The following GALNT15 variants were observed in gnomAD, a reference collection of about 807,000 sequenced individuals.
GALNT15 encodes UDP-GalNAc transferase T15.
In GALNT15, 67 loss-of-function variants were observed where a neutral mutation model predicts 66.8. That is an observed-to-expected ratio of 1.00 (90% confidence interval 0.82 to 1.23). The LOEUF is 1.23. Ranked by LOEUF, GALNT15 falls within the 50% of genes most tolerant of loss-of-function variation. The pLI is 0.00. For synonymous variants in GALNT15, 313 were observed against 311.5 expected (o/e 1.00, Z -0.05); for missense variants, 827 against 804.3 (o/e 1.03, Z -0.34).
rs893398413 is a variant in GALNT15, at chr3:16,226,237, G to T, written c.1774-1117G>T. Among the ~76,000 whole-genome samples, 6 of 152,086 alleles carry T rather than the reference G, an allele frequency of 3.9e-5. No homozygotes were observed. In the South Asian group the frequency reaches 6.2e-4, roughly 16 times the overall value. On this transcript the variant is annotated intron_variant, in intron 9 of 9. Coordinates refer to ENST00000339732, the MANE Select transcript of GALNT15 (RefSeq NM_054110.5). ...TGATGGACAGTGGGTTTCTTTTTAC[G>T]TAATGAAAATATTCTGGAAGTAGGT... is the stretch of plus-strand genomic sequence containing the variant.
At chr3:16,238,098 A>C in the GALNT15 span, among the ~76,000 whole-genome samples, 1 of 152,234 alleles carries the variant, frequency 6.6e-6, no homozygotes, top group Non-Finnish European at 1.5e-5. This position sits in a 1 kb window ranked among gnomAD's most constrained non-coding sequence, Gnocchi z 4.8. Context: ...TTCTTTTAGC[A>C]AAGAGCCATG....
chr3:16,219,996 T>C lies in GALNT15; in HGVS notation c.1611T>C (p.Ser537=), dbSNP rs773471187. Residue 537 remains serine (S), a synonymous_variant, in exon 8 of 10, where the codon AGT becomes AGC. Coordinates refer to ENST00000339732, the MANE Select transcript of GALNT15 (RefSeq NM_054110.5). The surrounding 1 kb of genome is among the most constrained non-coding windows in gnomAD (Gnocchi z 4.3). ...LGCPMVLAPC[S]DSRQQQYLQH... is the part of the protein sequence containing the mutation. ...GTCCCATGGTGTTGGCTCCTTGCAG[T>C]GACAGCCGGCAGCAACAGGTGGGTA... 27 of 1,613,912 alleles carry C rather than the reference T, an allele frequency of 1.7e-5. No individual in the cohort carries two copies. The highest frequency in any genetic ancestry group is 2.3e-5 in the Non-Finnish European group (27 of 1,179,902).
rs2063538767 is a variant in GALNT15, at chr3:16,188,320, TCACAGA to T, written c.540-7437_540-7432del. Among the ~76,000 whole-genome samples, 1 of 152,240 alleles carries T rather than the reference TCACAGA, an allele frequency of 6.6e-6. No homozygotes were observed. Among genetic ancestry groups the T allele is most frequent in the Non-Finnish European group, 1.5e-5 (1 of 68,054 alleles). The stretch of plus-strand genomic sequence containing the variant: ...AATGGCAGCCATAGGTCGTGTCCCA[TCACAGA>T]CATGTTTGTTTGGCCATGCAGTTTT... On this transcript the variant is annotated intron_variant, in intron 1 of 9. Coordinates refer to ENST00000339732, the MANE Select transcript of GALNT15 (RefSeq NM_054110.5). The surrounding 1 kb of genome is among the most constrained non-coding windows in gnomAD (Gnocchi z 4.6).
chr3:16,223,996 A>G (rs191064307), intron 9 of GALNT15, among the ~76,000 whole-genome samples: 1 of 152,324 alleles, frequency 6.6e-6, no homozygotes, highest in Non-Finnish European at 1.5e-5. Context: ...TCTGGCCTCA[A>G]AGAAGTCTTA....
intron 9 of GALNT15, among the ~76,000 whole-genome samples, chr3:16,226,921 A>G (rs555838882): frequency 2.0e-5 from 3 of 152,228 alleles, no homozygotes; most frequent in Non-Finnish European, 4.4e-5. Flanking sequence ...AGTATATCCT[A>G]GAGGTCTTGC....
chr3:16,231,899 C>A, downstream of GALNT15: 1 of 1,535,848 alleles, frequency 6.5e-7, no homozygotes, highest in Non-Finnish European at 8.7e-7. The surrounding 1 kb of genome is among the most constrained non-coding windows in gnomAD (Gnocchi z 4.1). Context: ...ATTCAGAGAT[C>A]CTCAAGAAGG....
intron 8 of GALNT15, 33 bp from the exon 9 acceptor site, chr3:16,222,582 T>C: frequency 6.2e-7 from 1 of 1,613,744 alleles, no homozygotes; most frequent in Non-Finnish European, 8.5e-7. Flanking sequence ...GATCTCTTTC[T>C]AGCTGCGCTA....
At chr3:16,207,254 C>T (rs977443770) in intron 3 of GALNT15, among the ~76,000 whole-genome samples, 1 of 152,036 alleles carries the variant, frequency 6.6e-6, no homozygotes, top group African/African-American at 2.4e-5. Flanking sequence ...GCTAGTATCT[C>T]CCCTCCCAGG....
Position 16,219,574 on chromosome 3 carries a change from G to A in GALNT15, c.1524+40G>A. ...AGGGAAGATGGGGAGGGACAGGGAA[G>A]CTTCCCAAGACAAGAACTAGATGTT... On this transcript the variant is annotated intron_variant, in intron 7 of 9. Transcript: ENST00000339732. This position sits in a 1 kb window ranked among gnomAD's most constrained non-coding sequence, Gnocchi z 4.3. 1 of 1,607,696 alleles carries A rather than the reference G, an allele frequency of 6.2e-7. No homozygotes were observed. The highest frequency in any genetic ancestry group is 1.3e-5 in the African/African-American group (1 of 74,732).
chr3:16,241,579 C>T, the GALNT15 span, among the ~76,000 whole-genome samples: 1 of 152,020 alleles, frequency 6.6e-6, no homozygotes, highest in African/African-American at 2.4e-5. The surrounding 1 kb of genome is among the most constrained non-coding windows in gnomAD (Gnocchi z 4.6). Context: ...GATGGAGTCT[C>T]ATTCTGTTGC....
chr3:16,198,470 G>C (rs1298179432), intron 2 of GALNT15, among the ~76,000 whole-genome samples: 1 of 141,872 alleles, frequency 7.0e-6, no homozygotes, highest in Non-Finnish European at 1.6e-5. Flanking sequence ...TAGCTGTCCC[G>C]AGAAACATCA....
Position 16,225,420 on chromosome 3 carries a change from G to A in GALNT15, c.1774-1934G>A, listed in dbSNP as rs2063996115. 6.6e-6 allele frequency among the ~76,000 whole-genome samples: 1 copy of A among 152,270 alleles called. No homozygotes were observed. The highest frequency in any genetic ancestry group is 1.5e-5 in the Non-Finnish European group (1 of 68,048). On this transcript the variant is annotated intron_variant, in intron 9 of 9. Coordinates refer to ENST00000339732, the MANE Select transcript of GALNT15 (RefSeq NM_054110.5). The surrounding 1 kb of genome is among the most constrained non-coding windows in gnomAD (Gnocchi z 4.4). Reference sequence around the variant, plus strand: ...CACAATTTTTTTAAAAAAGAGGCCAGGCTCAATGGCTCACGCCTGTAATCC... The same window carrying A: ...CACAATTTTTTTAAAAAAGAGGCCAAGCTCAATGGCTCACGCCTGTAATCC...
At chr3:16,208,339 A>G (rs999739047) in intron 3 of GALNT15, among the ~76,000 whole-genome samples, 164 bp from the exon 4 acceptor site, 1 of 152,218 alleles carries the variant, frequency 6.6e-6, no homozygotes, top group Non-Finnish European at 1.5e-5. Flanking sequence ...AAGTATTCTT[A>G]ATCCAGGGTG....
intron 3 of GALNT15, among the ~76,000 whole-genome samples, chr3:16,206,888 T>A (rs951207661): frequency 6.6e-6 from 1 of 152,098 alleles, no homozygotes; most frequent in Non-Finnish European, 1.5e-5. Flanking sequence ...ATAGCCAAAT[T>A]TATCCATCTG....
chr3:16,246,601 C>T, the GALNT15 span, among the ~76,000 whole-genome samples: 2 of 152,030 alleles, frequency 1.3e-5, no homozygotes, highest in Admixed American at 6.5e-5. Flanking sequence ...GGATTACAGG[C>T]GTGAGCCACC....
At chr3:16,194,160 G>A (rs1053187129) in intron 1 of GALNT15, among the ~76,000 whole-genome samples, 16 of 152,156 alleles carry the variant, frequency 1.1e-4, no homozygotes, top group East Asian at 1.9e-4. Flanking sequence ...CGAAGCCTCC[G>A]TTTCCTTATC....
Position 16,229,758 on chromosome 3 carries a change from A to C in GALNT15, c.*2258A>C, listed in dbSNP as rs986137425. 1.0e-6 allele frequency: 1 copy of C among 980,616 alleles called. No individual in the cohort carries two copies. The highest frequency in any genetic ancestry group is 1.8e-5 in the African/African-American group (1 of 57,132). 60.7% of individuals were successfully genotyped at this position (980,616 alleles called of 1,614,324 possible). On this transcript the variant is annotated 3_prime_UTR_variant, in exon 10 of 10. Coordinates refer to ENST00000339732, the MANE Select transcript of GALNT15 (RefSeq NM_054110.5). ...TGAATTTAATTGCATAAATTGTATTAGGTGGCAATTAACAAAAGGACCCAG... is the reference window on the plus strand; with the variant it reads ...TGAATTTAATTGCATAAATTGTATTCGGTGGCAATTAACAAAAGGACCCAG...
chr3:16,196,114 G>A (rs1021252324), intron 2 of GALNT15, among the ~76,000 whole-genome samples, 188 bp downstream of exon 2: 1 of 152,134 alleles, frequency 6.6e-6, no homozygotes, highest in African/African-American at 2.4e-5. Context: ...AAGGCAGTGG[G>A]GGCTGCAAGA....
chr3:16,232,556 CCTTGTTTT>C (rs2124915184), downstream of GALNT15, among the ~76,000 whole-genome samples: 1 of 132,408 alleles, frequency 7.6e-6, no homozygotes, highest in Non-Finnish European at 1.6e-5. Context: ...CTCTCAGCAG[CCTTGTTTT>C]CTGTATATGG....
Sources: allele counts gnomAD v4.1 joint callset (sites outside exome capture counted in the v4.1 genomes callset), GRCh38; gene constraint gnomAD v4.1.1; non-coding constraint Gnocchi (gnomAD v3.1); transcripts MANE v1.5; gene names NCBI Gene and HGNC (gene_info 2026-07-23, HGNC 2026-07-21).